Variants in ANKS1B observed in about 807,000 individuals in gnomAD.
ANKS1B encodes the protein ankyrin repeat and sterile alpha motif domain-containing protein 1B.
A neutral mutation model predicts 148.3 loss-of-function variants in ANKS1B; 36 were observed. The ratio of observed to expected loss-of-function variants is 0.24; its 90% CI spans 0.19 to 0.32. The LOEUF is 0.32. Ranked by LOEUF, ANKS1B falls within the 10% of genes least tolerant of loss-of-function variation. ANKS1B has a pLI of 1.00. For synonymous variants in ANKS1B, 542 were observed against 560.8 expected, an observed-to-expected ratio of 0.97 and a Z score of 0.47; for missense variants, 1,157 against 1,542.6, an observed-to-expected ratio of 0.75 and a Z score of 4.19.
chr12:99,562,655 G>T (rs748111024), intron 9 of ANKS1B, among the ~76,000 whole-genome samples: 107 of 152,172 alleles, frequency 7.0e-4, no homozygotes, highest in Admixed American at 1.9e-3. Context: ...ATGGTGGCAG[G>T]AGAGTGAAGT....
At chr12:99,263,932 T>C (rs1039344670) in intron 12 of ANKS1B, among the ~76,000 whole-genome samples, 5 of 152,092 alleles carry the variant, frequency 3.3e-5, no homozygotes, top group Non-Finnish European at 7.4e-5. Flanking sequence ...CAATTACATA[T>C]CTGAAAATGA....
At chr12:99,561,519 T>C (rs2097335735) in intron 9 of ANKS1B, among the ~76,000 whole-genome samples, 1 of 152,230 alleles carries the variant, frequency 6.6e-6, no homozygotes, top group African/African-American at 2.4e-5. Flanking sequence ...TTGGATATTA[T>C]CTGTTGCATG....
At chr12:99,590,259 C>CACAT (rs58893024) in intron 9 of ANKS1B, among the ~76,000 whole-genome samples, 5 of 81,314 alleles carry the variant, frequency 6.1e-5, no homozygotes, top group African/African-American at 3.0e-4. Flanking sequence ...CACACCCACC[C>CACAT]ACACACACAC....
At position 99,955,906 on chromosome 12, in the gene ANKS1B, A is replaced by G. The variant is rs560244422; in HGVS notation, c.134+28198T>C. Among the ~76,000 whole-genome samples, 9 of 152,318 alleles carry G rather than the reference A, an allele frequency of 5.9e-5. No homozygotes were observed. The East Asian group carries it at 1.7e-3, about 29-fold the overall frequency. On this transcript the variant is annotated intron_variant, in intron 1 of 26. Coordinates refer to ENST00000683438, the MANE Select transcript of ANKS1B (RefSeq NM_001352186.2). ...TACAGTCAGATTATTCCTATTTTAT[A>G]ATATCTAAAGAAAATTGTAAAAGAA...
rs1022064902 is a variant in ANKS1B at position 99,984,923 on chromosome 12, T to C, written c.-686A>G. 1.3e-5 allele frequency among the ~76,000 whole-genome samples: 2 copies of C among 149,890 alleles called. No homozygotes were observed. Among genetic ancestry groups the C allele is most frequent in the African/African-American group, 4.9e-5 (2 of 40,952 alleles). Reference sequence around the variant, plus strand: ...GGTGCGGCCCCTGGTGCGGCCCGAGTTGGGTGGCGGGCTGGCGGGGAGGGG... The same window carrying C: ...GGTGCGGCCCCTGGTGCGGCCCGAGCTGGGTGGCGGGCTGGCGGGGAGGGG... On this transcript the variant is annotated 5_prime_UTR_variant, in exon 1 of 27. Coordinates refer to ENST00000683438, the MANE Select transcript of ANKS1B (RefSeq NM_001352186.2).
intron 19 of ANKS1B, among the ~76,000 whole-genome samples, chr12:98,824,979 T>C (rs1354396022): frequency 1.3e-5 from 2 of 152,090 alleles, no homozygotes; most frequent in Admixed American, 6.5e-5. Context: ...TTAGTATTTG[T>C]TGAACTGTTT....
At chr12:99,540,667 A>G (rs1311939668) in intron 9 of ANKS1B, among the ~76,000 whole-genome samples, 6 of 152,148 alleles carry the variant, frequency 3.9e-5, no homozygotes, top group African/African-American at 1.2e-4. Context: ...CGCAGTGCTT[A>G]GAGAGAAATT....
chr12:99,378,669 A>T (rs1348036435), intron 12 of ANKS1B, among the ~76,000 whole-genome samples: 1 of 133,836 alleles, frequency 7.5e-6, no homozygotes, highest in Non-Finnish European at 1.6e-5. Context: ...AAAAAAAAAA[A>T]AAAAGAAAAA....
chr12:99,719,618 C>T (rs2057853306), intron 8 of ANKS1B, among the ~76,000 whole-genome samples: 1 of 152,166 alleles, frequency 6.6e-6, no homozygotes, highest in African/African-American at 2.4e-5. Context: ...GCCTTAAGCC[C>T]TCACTCTTGC....
intron 1 of ANKS1B, among the ~76,000 whole-genome samples, chr12:99,846,046 T>A (rs1026370977): frequency 6.6e-6 from 1 of 152,168 alleles, no homozygotes; most frequent in African/African-American, 2.4e-5. Flanking sequence ...TATTACTACA[T>A]CTGCTCTCCT....
At chr12:99,538,800 C>T (rs983954589) in intron 9 of ANKS1B, among the ~76,000 whole-genome samples, 2 of 152,122 alleles carry the variant, frequency 1.3e-5, no homozygotes, top group African/African-American at 4.8e-5. Context: ...TGACAGTGGG[C>T]ATCCTTGTCA....
intron 9 of ANKS1B, among the ~76,000 whole-genome samples, chr12:99,570,433 G>A (rs927747673): frequency 2.0e-5 from 3 of 151,990 alleles, no homozygotes; most frequent in African/African-American, 7.2e-5. Context: ...AGATCACGAG[G>A]TCAGGAGATC....
chr12:98,916,650 A>G (rs933216280), intron 17 of ANKS1B, among the ~76,000 whole-genome samples: 1 of 152,266 alleles, frequency 6.6e-6, no homozygotes, highest in African/African-American at 2.4e-5. Context: ...CGACAGCATA[A>G]GCCATCAATG....
At chr12:99,026,865 G>A (rs936042654) in intron 17 of ANKS1B, among the ~76,000 whole-genome samples, 16 of 152,210 alleles carry the variant, frequency 1.1e-4, no homozygotes, top group African/African-American at 3.9e-4. Flanking sequence ...CATAGGACTA[G>A]TTAAAATAGC....
chr12:98,902,344 A>G (rs1418493000), intron 17 of ANKS1B, among the ~76,000 whole-genome samples: 1 of 152,214 alleles, frequency 6.6e-6, no homozygotes, highest in African/African-American at 2.4e-5. Context: ...CCTTTAAGCA[A>G]CAGAACAGCC....
chr12:99,515,389 T>C (rs1378556897), intron 9 of ANKS1B, among the ~76,000 whole-genome samples: 1 of 152,122 alleles, frequency 6.6e-6, no homozygotes, highest in African/African-American at 2.4e-5. Flanking sequence ...TACAATTATT[T>C]TGACATTTAG....
intron 9 of ANKS1B, among the ~76,000 whole-genome samples, chr12:99,604,814 TC>T (rs2097839512): frequency 1.4e-5 from 1 of 70,478 alleles, no homozygotes; most frequent in Admixed American, 1.8e-4. Context: ...AAACTCTATC[TC>T]AAAAAAAAAA....
intron 19 of ANKS1B, among the ~76,000 whole-genome samples, chr12:98,810,366 C>T (rs2099085189): frequency 6.6e-6 from 1 of 152,188 alleles, no homozygotes; most frequent in Non-Finnish European, 1.5e-5. Context: ...TGGTTCAATA[C>T]ACATGTGTCA....
At chr12:99,378,324 G>A (rs774065451) in intron 12 of ANKS1B, among the ~76,000 whole-genome samples, 1 of 152,042 alleles carries the variant, frequency 6.6e-6, no homozygotes, top group Non-Finnish European at 1.5e-5. Flanking sequence ...GAAAATCCAC[G>A]AAGTTCTTAA....
Sources: gnomAD v4.1 joint callset for allele counts (sites outside exome capture counted in the v4.1 genomes callset) on GRCh38, gnomAD v4.1.1 for gene constraint, MANE v1.5 for transcripts, NCBI Gene and HGNC (gene_info 2026-07-23, HGNC 2026-07-21) for gene names.